The following KCNIP4 variants were observed in gnomAD, a reference collection of about 807,000 sequenced individuals.
KCNIP4 encodes potassium voltage-gated channel interacting protein 4, also known as Kv channel-interacting protein 4.
Under a neutral mutation model 34.0 loss-of-function variants are expected in KCNIP4, and 12 were observed. The observed-to-expected ratio is 0.35, with a 90% CI of 0.23 to 0.57. KCNIP4 has a LOEUF of 0.57. KCNIP4 is among the 20% of genes least tolerant of loss of function. The pLI is 0.83. For synonymous variants in KCNIP4, 124 were observed against 102.2 expected (o/e 1.21, Z -1.29); for missense variants, 238 against 311.7 (o/e 0.76, Z 1.78).
chr4:20,790,677 C>T (rs768362835), intron 3 of KCNIP4, among the ~76,000 whole-genome samples: 26 of 152,176 alleles, frequency 1.7e-4, no homozygotes, highest in Non-Finnish European at 3.2e-4. Flanking sequence ...ACATCTTGTC[C>T]CACTGGAAGA....
chr4:20,802,148 T>C (rs1402226437), intron 3 of KCNIP4, among the ~76,000 whole-genome samples: 1 of 144,394 alleles, frequency 6.9e-6, no homozygotes, highest in African/African-American at 2.5e-5. Flanking sequence ...ATATGCTATA[T>C]ATATGCTATA....
intron 1 of KCNIP4, among the ~76,000 whole-genome samples, chr4:21,207,843 C>CT (rs531286039): frequency 0.12 from 14,109 of 115,114 alleles, 1,830 homozygotes; most frequent in African/African-American, 0.33. Context: ...TTTTCTTTTT[C>CT]TTTTTTTTTT....
intron 1 of KCNIP4, among the ~76,000 whole-genome samples, chr4:21,466,771 T>G (rs1277099780): frequency 6.6e-6 from 1 of 152,048 alleles, no homozygotes; most frequent in Non-Finnish European, 1.5e-5. Context: ...ATCAACATAC[T>G]TTAGAGTTGG....
chr4:21,713,498 A>C (rs912873115), intron 1 of KCNIP4, among the ~76,000 whole-genome samples: 3 of 152,216 alleles, frequency 2.0e-5, no homozygotes, highest in African/African-American at 7.2e-5. Context: ...GTATATTTTT[A>C]TGGGGTACAA....
chr4:21,416,807 G>A (rs1724986088), intron 1 of KCNIP4, among the ~76,000 whole-genome samples: 1 of 152,174 alleles, frequency 6.6e-6, no homozygotes, highest in East Asian at 1.9e-4. Context: ...CTATATGTCA[G>A]TCATATTTGA....
At chr4:21,825,184 T>C (rs959567659) in intron 1 of KCNIP4, among the ~76,000 whole-genome samples, 1 of 152,010 alleles carries the variant, frequency 6.6e-6, no homozygotes, top group Non-Finnish European at 1.5e-5. Flanking sequence ...AGTTTAAACA[T>C]ACTTTTTATC....
intron 1 of KCNIP4, among the ~76,000 whole-genome samples, chr4:21,474,667 G>T (rs1216865172): frequency 1.3e-5 from 2 of 152,036 alleles, no homozygotes; most frequent in African/African-American, 2.4e-5. Flanking sequence ...AAAGGAGGGA[G>T]AGACTTCACA....
At chr4:21,859,582 C>T (rs891264097) in intron 1 of KCNIP4, among the ~76,000 whole-genome samples, 2 of 150,970 alleles carry the variant, frequency 1.3e-5, no homozygotes, top group Non-Finnish European at 2.9e-5. Flanking sequence ...GAGCCGAGAT[C>T]GCGCCACTGC....
At chr4:21,843,942 G>A (rs1011509920) in intron 1 of KCNIP4, 1 of 151,944 alleles carries the variant, frequency 6.6e-6, no homozygotes, top group Non-Finnish European at 1.5e-5. Flanking sequence ...CAGACTAACA[G>A]GACCTTTCAA....
chr4:21,703,360 A>G (rs1713015954), intron 1 of KCNIP4, among the ~76,000 whole-genome samples: 1 of 152,180 alleles, frequency 6.6e-6, no homozygotes, highest in Non-Finnish European at 1.5e-5. Flanking sequence ...CAAAGAATCT[A>G]TAAAAATTAA....
In KCNIP4 at chr4:21,507,270, A is replaced by AT. The variant is rs942154009; in HGVS notation, c.61+441300dup. ...TGGCAATGGCTTTATTTTTATTTTA[A>AT]TTTTTTTTTTTTGAGACAGAGTCTC... On this transcript the variant is annotated intron_variant, in intron 1 of 8. Coordinates refer to ENST00000382152, the MANE Select transcript of KCNIP4 (RefSeq NM_025221.6). 2.2e-3 allele frequency among the ~76,000 whole-genome samples: 310 copies of AT among 142,042 alleles called. 1 individual carries two copies. Among genetic ancestry groups the AT allele is most frequent in the African/African-American group, 4.9e-3 (192 of 39,038 alleles). The allele number at this position is 142,042 out of a possible 152,430, so 93.2% of individuals were successfully genotyped here.
At chr4:21,423,027 C>T (rs1296901299) in intron 1 of KCNIP4, among the ~76,000 whole-genome samples, 1 of 152,168 alleles carries the variant, frequency 6.6e-6, no homozygotes, top group African/African-American at 2.4e-5. Context: ...AACTTTATCT[C>T]AGTAGGCTAC....
chr4:21,778,419 G>T (rs1719341350), intron 1 of KCNIP4, among the ~76,000 whole-genome samples: 1 of 151,480 alleles, frequency 6.6e-6, no homozygotes, highest in Admixed American at 6.6e-5. Flanking sequence ...AAAACTGGTA[G>T]AAATGGGATC....
chr4:21,686,701 T>C (rs1560628593), intron 1 of KCNIP4, among the ~76,000 whole-genome samples: 1 of 152,158 alleles, frequency 6.6e-6, no homozygotes, highest in Non-Finnish European at 1.5e-5. Context: ...TTTTTATGAT[T>C]GGAAGAAGTA....
intron 1 of KCNIP4, among the ~76,000 whole-genome samples, chr4:21,925,481 C>T (rs1018061168): frequency 2.0e-5 from 3 of 152,188 alleles, no homozygotes; most frequent in Non-Finnish European, 4.4e-5. Context: ...TCCAGTCTAT[C>T]GTTGTTGGAC....
intron 1 of KCNIP4, among the ~76,000 whole-genome samples, chr4:21,732,471 G>A (rs1008026641): frequency 1.8e-4 from 28 of 152,096 alleles, no homozygotes; most frequent in Admixed American, 1.2e-3. Flanking sequence ...CTGAAGCTCT[G>A]CATTTTTATT....
rs1490494003 is a variant in KCNIP4, at chr4:21,252,427, G to A, written c.62-369718C>T. ...AGGTGTGAGCCCCTTCCCTCGCCCG[G>A]CCAAGGTATGTTTTAAGTAGACTAC... is the stretch of plus-strand genomic sequence containing the variant. On this transcript the variant is annotated intron_variant, in intron 1 of 8. Transcript: ENST00000382152. Among the ~76,000 whole-genome samples, 4 of 152,066 alleles carry A rather than the reference G, an allele frequency of 2.6e-5. No homozygotes were observed. The East Asian group carries it at 7.8e-4, about 29-fold the overall frequency.
chr4:20,917,042 T>A (rs1432473049), intron 1 of KCNIP4, among the ~76,000 whole-genome samples: 5 of 100,444 alleles, frequency 5.0e-5, no homozygotes, highest in Non-Finnish European at 9.7e-5. Flanking sequence ...TATATATATA[T>A]ATATATATAA....
At chr4:20,845,997 T>C (rs10010160) in intron 3 of KCNIP4, among the ~76,000 whole-genome samples, 2,655 of 152,268 alleles carry the variant, frequency 0.017, 74 homozygotes, top group African/African-American at 0.057. Flanking sequence ...TGAATGAATG[T>C]TTTCTAAATC....
Sources: gnomAD v4.1 joint callset for allele counts (sites outside exome capture counted in the v4.1 genomes callset) on GRCh38, gnomAD v4.1.1 for gene constraint, MANE v1.5 for transcripts, NCBI Gene and HGNC (gene_info 2026-07-23, HGNC 2026-07-21) for gene names.